The following KSR2 variants were observed in gnomAD, a reference collection of about 807,000 sequenced individuals.
KSR2 encodes kinase suppressor of ras 2.
In KSR2, 25 loss-of-function variants were observed where a neutral mutation model predicts 107.8. That is an observed-to-expected ratio of 0.23 (90% CI 0.17 to 0.32). KSR2 has a LOEUF of 0.32. Among genes scored for constraint, KSR2 ranks in the 10% least tolerant of loss-of-function variants. The pLI is 1.00. For missense variants in KSR2, 887 were observed against 1,268.9 expected (o/e 0.70, Z 4.57); for synonymous variants, 480 against 507.0 (o/e 0.95, Z 0.71).
chr12:117,529,581 T>C (rs537786979), intron 12 of KSR2, among the ~76,000 whole-genome samples: 251 of 152,302 alleles, frequency 1.6e-3, no homozygotes, highest in Non-Finnish European at 3.0e-3. Context: ...TTCCTAAGGA[T>C]GCTATGCACA....
chr12:117,476,469 G>A lies in KSR2; in HGVS notation c.2577C>T (p.Ala859=), dbSNP rs372058080. 4.1e-5 allele frequency: 66 copies of A among 1,598,586 alleles called. No homozygotes were observed. The highest frequency in any genetic ancestry group is 5.4e-5 in the Non-Finnish European group (63 of 1,172,542). The change falls in exon 17 of 20, where the codon GCC becomes GCT. Residue 859 remains alanine (A), a synonymous_variant. Coordinates refer to ENST00000339824, the MANE Select transcript of KSR2 (RefSeq NM_173598.6). ...CCAGGGCAGGGCCCACTTACCCAAGGGCAAAGACGTCAGAGTGCTTGGAGA... is the reference window on the plus strand; with the variant it reads ...CCAGGGCAGGGCCCACTTACCCAAGAGCAAAGACGTCAGAGTGCTTGGAGA... ...LPFSKHSDVF[A]LGTIWYELHA... is the part of the protein sequence containing the mutation.
chr12:117,594,010 T>C (rs145318226), intron 5 of KSR2, among the ~76,000 whole-genome samples: 48 of 152,308 alleles, frequency 3.2e-4, no homozygotes, highest in African/African-American at 9.9e-4. Flanking sequence ...GGTCTTAAGT[T>C]CCTCACACAC....
intron 3 of KSR2, among the ~76,000 whole-genome samples, chr12:117,768,455 A>G (rs1889323584): frequency 6.6e-6 from 1 of 152,312 alleles, no homozygotes; most frequent in African/African-American, 2.4e-5. Flanking sequence ...ACTCCTGTCC[A>G]TGTGTGATTA....
At chr12:117,614,712 T>A (rs112934027) in intron 5 of KSR2, among the ~76,000 whole-genome samples, 99 of 152,290 alleles carry the variant, frequency 6.5e-4, no homozygotes, top group African/African-American at 2.1e-3. Context: ...GGAAAATGAA[T>A]CAACATTACA....
Position 117,660,452 on chromosome 12 carries a change from T to C in KSR2, c.1171+7022A>G, listed in dbSNP as rs1311086632. ...TTGGCTTGTAGACTCATCAGTCCAA[T>C]CTCTGTCCCTATCTTTACCTGGTGC... On this transcript the variant is annotated intron_variant, in intron 5 of 19. Coordinates refer to ENST00000339824, the MANE Select transcript of KSR2 (RefSeq NM_173598.6). Among the ~76,000 whole-genome samples the C allele has an allele frequency of 2.0e-5, 3 of 152,148 alleles. No homozygotes were observed. The East Asian group carries it at 5.8e-4, about 29-fold the overall frequency.
chr12:117,667,451 T>G, intron 5 of KSR2, 23 bp downstream of exon 5: 1 of 1,601,492 alleles, frequency 6.2e-7, no homozygotes, highest in Non-Finnish European at 8.5e-7. Context: ...GCGTTCCCAG[T>G]GCAGCCCGGC....
rs1315553905 is a variant in KSR2 at position 117,466,821 on chromosome 12, A to G, written c.*378T>C. 1 of 226,400 alleles carries G rather than the reference A, an allele frequency of 4.4e-6. No individual in the cohort carries two copies. The highest frequency in any genetic ancestry group is 8.6e-6 in the Non-Finnish European group (1 of 116,012). The allele number at this position is 226,400 out of a possible 1,614,324, so 14.0% of individuals were successfully genotyped here. Reference sequence around the variant, plus strand: ...AACAAGAGTGAACAACGTCAAACACACAGACACACACACACATAGCCCCGT... The same window carrying G: ...AACAAGAGTGAACAACGTCAAACACGCAGACACACACACACATAGCCCCGT... On this transcript the variant is annotated 3_prime_UTR_variant, in exon 20 of 20. Transcript: ENST00000339824.
At chr12:117,798,735 A>ATATATATATATC (rs10667993) in intron 3 of KSR2, among the ~76,000 whole-genome samples, 321 of 142,484 alleles carry the variant, frequency 2.3e-3, no homozygotes, top group Non-Finnish European at 3.2e-3. Context: ...ATATATATAT[A>ATATATATATATC]TCAACCCAAA....
chr12:117,705,881 G>A (rs1886505438), intron 4 of KSR2, among the ~76,000 whole-genome samples: 2 of 151,962 alleles, frequency 1.3e-5, no homozygotes, highest in African/African-American at 2.4e-5. Context: ...TCCCAGTATC[G>A]TCACTCACCA....
At chr12:117,932,920 G>A (rs904795336) in intron 1 of KSR2, among the ~76,000 whole-genome samples, 2 of 152,004 alleles carry the variant, frequency 1.3e-5, no homozygotes, top group Non-Finnish European at 2.9e-5. Context: ...GGCTGAGGCA[G>A]GAGAATCGCT....
chr12:117,510,493 C>A (rs1442283718), intron 14 of KSR2, among the ~76,000 whole-genome samples: 1 of 152,178 alleles, frequency 6.6e-6, no homozygotes, highest in Non-Finnish European at 1.5e-5. Context: ...TAACTCCATA[C>A]CCAATATTCT....
intron 14 of KSR2, among the ~76,000 whole-genome samples, chr12:117,519,922 A>T (rs1480142088): frequency 2.0e-5 from 3 of 152,146 alleles, no homozygotes; most frequent in African/African-American, 7.2e-5. Context: ...GTGGTTCTTA[A>T]ACTGTGGCGT....
chr12:117,967,185 G>T (rs528019629), intron 1 of KSR2, among the ~76,000 whole-genome samples: 1 of 148,588 alleles, frequency 6.7e-6, no homozygotes, highest in African/African-American at 2.6e-5. Context: ...AATAATTTCT[G>T]CCATCTTCTT....
At chr12:117,676,176 G>T (rs1238336516) in intron 4 of KSR2, among the ~76,000 whole-genome samples, 1 of 152,178 alleles carries the variant, frequency 6.6e-6, no homozygotes, top group Non-Finnish European at 1.5e-5. Context: ...ACACCAAGGG[G>T]ATGTTTATTG....
intron 3 of KSR2, among the ~76,000 whole-genome samples, chr12:117,789,398 A>G (rs1890183498): frequency 6.6e-6 from 1 of 152,094 alleles, no homozygotes; most frequent in Non-Finnish European, 1.5e-5. Context: ...TCAGGCACAT[A>G]CTTACTTTTC....
At chr12:117,823,612 A>G (rs544814707) in intron 3 of KSR2, among the ~76,000 whole-genome samples, 1 of 152,334 alleles carries the variant, frequency 6.6e-6, no homozygotes, top group Admixed American at 6.5e-5. Context: ...TTAAAGGTGC[A>G]GGTGATACAG....
At chr12:117,564,734 T>C (rs1311635322) in intron 7 of KSR2, among the ~76,000 whole-genome samples, 2 of 151,974 alleles carry the variant, frequency 1.3e-5, no homozygotes, top group African/African-American at 4.8e-5. Flanking sequence ...CATTGAAAGG[T>C]GCCTGGTGTG....
At chr12:117,961,120 A>G (rs558514144) in intron 1 of KSR2, among the ~76,000 whole-genome samples, 1 of 152,258 alleles carries the variant, frequency 6.6e-6, no homozygotes, top group South Asian at 2.1e-4. Flanking sequence ...TCCTGAGCTC[A>G]GCTAAACTTC....
Position 117,458,426 on chromosome 12 carries a change from A to G in KSR2, c.*8773T>C, listed in dbSNP as rs1471018858. On this transcript the variant is annotated 3_prime_UTR_variant, in exon 20 of 20. Coordinates refer to ENST00000339824, the MANE Select transcript of KSR2 (RefSeq NM_173598.6). Reference sequence around the variant, plus strand: ...CTGGTTTTTTTTTTTTAAGTGGTGGAAAAGAAAAACTAAGATTTGTTTTTA... The same window carrying G: ...CTGGTTTTTTTTTTTTAAGTGGTGGGAAAGAAAAACTAAGATTTGTTTTTA... 1.3e-5 allele frequency: 2 copies of G among 151,716 alleles called. No homozygotes were observed. The highest frequency in any genetic ancestry group is 2.9e-5 in the Non-Finnish European group (2 of 67,964). 9.4% of individuals were successfully genotyped at this position (151,716 alleles called of 1,614,324 possible). A position where few individuals can be genotyped will look rare whatever the true frequency, so the allele number is the denominator to read the frequency against.
Sources: gnomAD v4.1 joint callset for allele counts (sites outside exome capture counted in the v4.1 genomes callset) on GRCh38, gnomAD v4.1.1 for gene constraint, MANE v1.5 for transcripts, NCBI Gene and HGNC (gene_info 2026-07-23, HGNC 2026-07-21) for gene names.